ST6GAL1: variants seen among roughly 807,000 people sequenced by gnomAD.
The protein encoded by ST6GAL1 is beta-galactoside alpha-2,6-sialyltransferase 1.
ST6GAL1 carries 20 observed loss-of-function variants against 38.0 expected under a neutral mutation model. The ratio of observed to expected loss-of-function variants is 0.53; its 90% CI spans 0.37 to 0.77. The LOEUF (loss-of-function observed/expected upper bound fraction) is 0.77. Among genes scored for constraint, ST6GAL1 ranks in the 30% least tolerant of loss-of-function variants. The pLI is 0.00. For missense variants in ST6GAL1, 432 were observed against 496.4 expected (o/e 0.87, Z 1.23); for synonymous variants, 196 against 188.2 (o/e 1.04, Z -0.34).
At chr3:186,995,834 ACT>A (rs1716385744) in intron 2 of ST6GAL1, among the ~76,000 whole-genome samples, 1 of 152,062 alleles carries the variant, frequency 6.6e-6, no homozygotes, top group East Asian at 1.9e-4. Context: ...ACAGATTGAG[ACT>A]CTGTCTTGAG....
intron 2 of ST6GAL1, among the ~76,000 whole-genome samples, chr3:186,985,100 G>C (rs979430481): frequency 6.6e-6 from 1 of 151,542 alleles, no homozygotes; most frequent in African/African-American, 2.4e-5. Context: ...GTAGAGATAG[G>C]GTTTCACCTT....
In ST6GAL1 at chr3:186,984,740, TTCCCTCCC is replaced by T. The variant is rs1163600907; in HGVS notation, c.-183+20834_-183+20841del. Among the ~76,000 whole-genome samples, 41 of 63,928 alleles carry T rather than the reference TTCCCTCCC, an allele frequency of 6.4e-4. 1 individual carries two copies. The highest frequency in any genetic ancestry group is 7.2e-3 in the Middle Eastern group (1 of 138). 41.9% of individuals were successfully genotyped at this position (63,928 alleles called of 152,430 possible). On this transcript the variant is annotated intron_variant, in intron 2 of 7. Coordinates refer to ENST00000169298, the MANE Select transcript of ST6GAL1 (RefSeq NM_173216.2). Reference sequence around the variant, plus strand: ...TTCCCTTCCTCCCTTCCTTCCTTCCTTCCCTCCCTCCCTCCCTCCCTCCCTCCTTCCTT... The same window carrying T: ...TTCCCTTCCTCCCTTCCTTCCTTCCTTCCCTCCCTCCCTCCCTCCTTCCTT...
intron 2 of ST6GAL1, among the ~76,000 whole-genome samples, chr3:186,997,683 C>T (rs1005188042): frequency 5.3e-5 from 8 of 150,610 alleles, no homozygotes; most frequent in Admixed American, 1.3e-4. Flanking sequence ...CTTGAGCCTG[C>T]GAGATCGAGG....
At chr3:187,022,174 T>C (rs1717333314) in intron 2 of ST6GAL1, among the ~76,000 whole-genome samples, 1 of 152,046 alleles carries the variant, frequency 6.6e-6, no homozygotes, top group African/African-American at 2.4e-5. Context: ...ATCTGTAGGA[T>C]CTGACACTAT....
intron 5 of ST6GAL1, among the ~76,000 whole-genome samples, chr3:187,061,764 C>T (rs1359993123): frequency 6.6e-6 from 1 of 152,110 alleles, no homozygotes; most frequent in Non-Finnish European, 1.5e-5. Flanking sequence ...CTATAAAACT[C>T]TTAGAAGACA....
chr3:186,934,042 G>A (rs1713852524), intron 1 of ST6GAL1, among the ~76,000 whole-genome samples: 1 of 152,180 alleles, frequency 6.6e-6, no homozygotes, highest in Middle Eastern at 3.2e-3. Flanking sequence ...AAATCATAAG[G>A]CAAGAGGCAG....
intron 2 of ST6GAL1, among the ~76,000 whole-genome samples, chr3:187,020,966 T>TG (rs1421500439): frequency 6.6e-6 from 1 of 151,164 alleles, no homozygotes; most frequent in African/African-American, 2.4e-5. Flanking sequence ...TGGTGGTTTT[T>TG]TTTTTTGTTT....
At chr3:187,045,501 G>C (rs1718264532) in intron 4 of ST6GAL1, among the ~76,000 whole-genome samples, 1 of 152,196 alleles carries the variant, frequency 6.6e-6, no homozygotes, top group South Asian at 2.1e-4. Flanking sequence ...CAATACAAGT[G>C]ATGCTTATTA....
At chr3:186,962,028 G>A (rs546266133) in intron 1 of ST6GAL1, among the ~76,000 whole-genome samples, 1 of 152,302 alleles carries the variant, frequency 6.6e-6, no homozygotes, top group Admixed American at 6.5e-5. Context: ...GGCTCCTGGT[G>A]TTTTGTTGGC....
intron 2 of ST6GAL1, among the ~76,000 whole-genome samples, chr3:187,022,431 C>A (rs1717357777): frequency 6.6e-6 from 1 of 152,246 alleles, no homozygotes; most frequent in East Asian, 1.9e-4. Context: ...CTTTAGCTAA[C>A]AGTAGCTGAG....
At chr3:187,051,389 C>G in intron 5 of ST6GAL1, 43 bp downstream of exon 5, 1 of 1,567,590 alleles carries the variant, frequency 6.4e-7, no homozygotes, top group Non-Finnish European at 8.8e-7. Flanking sequence ...AGAAGGACCA[C>G]AGTGTGGGCT....
intron 2 of ST6GAL1, among the ~76,000 whole-genome samples, chr3:187,034,045 C>A (rs1717843606): frequency 6.6e-6 from 1 of 152,050 alleles, no homozygotes; most frequent in Non-Finnish European, 1.5e-5. Flanking sequence ...AGAGAAGATA[C>A]AAATAATCAC....
At chr3:187,037,555 A>C (rs1347423547) in intron 2 of ST6GAL1, among the ~76,000 whole-genome samples, 1 of 152,102 alleles carries the variant, frequency 6.6e-6, no homozygotes, top group Non-Finnish European at 1.5e-5. Flanking sequence ...GAAAGAGCTG[A>C]CAGGTATATA....
At chr3:186,966,607 A>C (rs903371363) in intron 2 of ST6GAL1, among the ~76,000 whole-genome samples, 3 of 152,192 alleles carry the variant, frequency 2.0e-5, no homozygotes, top group African/African-American at 7.2e-5. Flanking sequence ...CTGCAGCTCA[A>C]AGTGCTTGGA....
chr3:186,946,443 G>A (rs968877706), intron 1 of ST6GAL1, among the ~76,000 whole-genome samples: 21 of 151,868 alleles, frequency 1.4e-4, no homozygotes, highest in Non-Finnish European at 2.2e-4. Flanking sequence ...GTGCAGTGGC[G>A]CGGTCACTGC....
chr3:187,060,188 G>C (rs1718861157), intron 5 of ST6GAL1, among the ~76,000 whole-genome samples: 1 of 152,030 alleles, frequency 6.6e-6, no homozygotes, highest in South Asian at 2.1e-4. Context: ...GGGGTAGGGG[G>C]GTTGGCCTGT....
intron 2 of ST6GAL1, among the ~76,000 whole-genome samples, chr3:187,023,953 C>T (rs576382278): frequency 8.3e-4 from 126 of 151,688 alleles, no homozygotes; most frequent in African/African-American, 2.9e-3. Context: ...TTACAGGCCC[C>T]GGGGCCACCA....
chr3:186,994,800 C>T (rs1335321133), intron 2 of ST6GAL1, among the ~76,000 whole-genome samples: 1 of 151,882 alleles, frequency 6.6e-6, no homozygotes, highest in Non-Finnish European at 1.5e-5. Context: ...AAAATTTAGC[C>T]AGGCATGGTG....
At chr3:187,004,465 A>G (rs1716716488) in intron 2 of ST6GAL1, among the ~76,000 whole-genome samples, 1 of 152,234 alleles carries the variant, frequency 6.6e-6, no homozygotes, top group South Asian at 2.1e-4. Context: ...TATAAGCATT[A>G]CTGAGAAGAT....
Sources: gnomAD v4.1 joint callset for allele counts (sites outside exome capture counted in the v4.1 genomes callset) on GRCh38, gnomAD v4.1.1 for gene constraint, MANE v1.5 for transcripts, NCBI Gene and HGNC (gene_info 2026-07-23, HGNC 2026-07-21) for gene names.